The following CLEC16A variants were observed in gnomAD, a reference collection of about 807,000 sequenced individuals.
CLEC16A encodes the protein C-type lectin domain containing 16A.
Under a neutral mutation model 109.5 loss-of-function variants are expected in CLEC16A, and 51 were observed. That is an observed-to-expected ratio of 0.47 (90% CI 0.37 to 0.59). CLEC16A has a LOEUF of 0.59. CLEC16A is among the 20% of genes least tolerant of loss of function. The pLI, the probability that CLEC16A is intolerant of heterozygous loss-of-function variation, is 0.00. For synonymous variants in CLEC16A, 673 were observed against 564.2 expected (o/e 1.19, Z -2.73); for missense variants, 1,339 against 1,394.0 (o/e 0.96, Z 0.63).
chr16:11,107,350 G>A (rs1414832580), intron 19 of CLEC16A, among the ~76,000 whole-genome samples: 1 of 151,954 alleles, frequency 6.6e-6, no homozygotes, highest in African/African-American at 2.4e-5. Flanking sequence ...CTTCACAACT[G>A]CCCCCTTTTC....
intron 22 of CLEC16A, among the ~76,000 whole-genome samples, chr16:11,154,619 A>G (rs1396519597): frequency 4.3e-4 from 65 of 152,196 alleles, no homozygotes; most frequent in Non-Finnish European, 4.4e-5. Flanking sequence ...TTGTCTAAAG[A>G]CACTTACGAA....
chr16:11,095,093 CT>C (rs1003101076), intron 19 of CLEC16A, among the ~76,000 whole-genome samples: 45 of 133,370 alleles, frequency 3.4e-4, no homozygotes, highest in East Asian at 1.7e-3. Flanking sequence ...CTTTTTTTTT[CT>C]TTTTTTTTTT....
intron 13 of CLEC16A, among the ~76,000 whole-genome samples, chr16:11,035,828 T>C (rs2046985024): frequency 6.6e-6 from 1 of 152,318 alleles, no homozygotes; most frequent in African/African-American, 2.4e-5. Context: ...TTGTTTTGAC[T>C]GAGTATTTTG....
At chr16:11,070,741 C>G (rs906590891) in intron 19 of CLEC16A, 1 of 152,312 alleles carries the variant, frequency 6.6e-6, no homozygotes, top group Non-Finnish European at 1.5e-5. Context: ...TGCCTCCTTG[C>G]TCTTCTTCAA....
intron 13 of CLEC16A, among the ~76,000 whole-genome samples, chr16:11,030,887 C>T (rs1229261017): frequency 6.6e-6 from 1 of 152,218 alleles, no homozygotes; most frequent in Admixed American, 6.5e-5. Context: ...TCAAGTGATA[C>T]ACCCGCCTCA....
intron 19 of CLEC16A, among the ~76,000 whole-genome samples, chr16:11,109,335 G>A (rs2051425506): frequency 1.3e-5 from 2 of 152,034 alleles, no homozygotes; most frequent in South Asian, 2.1e-4. Flanking sequence ...TTTATTATTT[G>A]TAAAGACGAG....
chr16:11,007,224 A>G (rs918088869), intron 11 of CLEC16A, among the ~76,000 whole-genome samples: 1 of 152,202 alleles, frequency 6.6e-6, no homozygotes, highest in Non-Finnish European at 1.5e-5. Flanking sequence ...AATTCCAGCA[A>G]GGGCATGAAG....
At chr16:11,042,459 G>A (rs187964141) in intron 15 of CLEC16A, 96 bp downstream of exon 15, 27 of 942,718 alleles carry the variant, frequency 2.9e-5, no homozygotes, top group African/African-American at 9.8e-5. Flanking sequence ...GCCCTGGCCC[G>A]TGGTGTCATC....
chr16:11,135,854 G>T (rs542520488), intron 22 of CLEC16A, among the ~76,000 whole-genome samples: 7 of 152,268 alleles, frequency 4.6e-5, no homozygotes, highest in Non-Finnish European at 1.0e-4. Flanking sequence ...GTGCTCACCA[G>T]CACGGGCCTG....
In CLEC16A at chr16:11,027,624, G is replaced by C. The variant is rs976039518; in HGVS notation, c.1537+2703G>C. On this transcript the variant is annotated intron_variant, in intron 13 of 23. Coordinates refer to ENST00000409790, the MANE Select transcript of CLEC16A (RefSeq NM_015226.3). ...TGCATTCCCAGGGAAGCATTTCCAG[G>C]AGATCTCATGGTTCTTGCGCCCTTT... is the stretch of plus-strand genomic sequence containing the variant. The C allele has an allele frequency of 7.1e-6, 11 of 1,558,704 alleles. No homozygotes were observed. In the African/African-American group the frequency reaches 1.4e-4, roughly 19 times the overall value.
chr16:11,032,568 G>A (rs2046805608), intron 13 of CLEC16A, among the ~76,000 whole-genome samples: 1 of 152,238 alleles, frequency 6.6e-6, no homozygotes, highest in Admixed American at 6.5e-5. Context: ...GTGACAAATG[G>A]TAGAAGGAAA....
intron 22 of CLEC16A, among the ~76,000 whole-genome samples, chr16:11,147,529 T>C (rs760691645): frequency 6.6e-6 from 1 of 152,220 alleles, no homozygotes; most frequent in Non-Finnish European, 1.5e-5. Flanking sequence ...AGGAGTAAAG[T>C]GTTTGTAATC....
In CLEC16A at chr16:11,180,943, G is replaced by C. The variant is rs1422575951; in HGVS notation, c.*2253G>C. 2 of 152,382 alleles carry C rather than the reference G, an allele frequency of 1.3e-5. No homozygotes were observed. Among genetic ancestry groups the C allele is most frequent in the Admixed American group, 1.3e-4 (2 of 15,290 alleles). 9.4% of individuals were successfully genotyped at this position (152,382 alleles called of 1,614,324 possible). On this transcript the variant is annotated 3_prime_UTR_variant, in exon 24 of 24. Transcript: ENST00000409790. The stretch of plus-strand genomic sequence containing the variant: ...GATAAAAGACACTGCTCAGGGCAGG[G>C]CTTCTACCCTGCATCCCTGGCCAAG...
At chr16:10,975,109 G>A (rs967286674) in intron 7 of CLEC16A, among the ~76,000 whole-genome samples, 1 of 152,174 alleles carries the variant, frequency 6.6e-6, no homozygotes, top group African/African-American at 2.4e-5. Context: ...TTGGGAGGCT[G>A]AGGCGGGCAG....
At chr16:11,103,218 G>T (rs1045304456) in intron 19 of CLEC16A, among the ~76,000 whole-genome samples, 3 of 152,346 alleles carry the variant, frequency 2.0e-5, no homozygotes, top group Non-Finnish European at 2.9e-5. Context: ...TCCCCCCAGA[G>T]AGGCCCAGTG....
chr16:11,092,831 A>G (rs2050389070), intron 19 of CLEC16A, among the ~76,000 whole-genome samples: 3 of 152,174 alleles, frequency 2.0e-5, no homozygotes, highest in African/African-American at 7.2e-5. Flanking sequence ...TCTATAAAAC[A>G]CGGTGGTCGT....
intron 11 of CLEC16A, among the ~76,000 whole-genome samples, chr16:11,012,614 A>T (rs1340957550): frequency 2.7e-5 from 4 of 148,494 alleles, no homozygotes; most frequent in Admixed American, 6.6e-5. Flanking sequence ...AAAAAAAAAA[A>T]AAAAAAAGAA....
At chr16:11,043,601 G>A (rs541573117) in intron 15 of CLEC16A, among the ~76,000 whole-genome samples, 28 of 151,834 alleles carry the variant, frequency 1.8e-4, no homozygotes, top group Admixed American at 3.3e-4. Flanking sequence ...ATGGTGGCTC[G>A]TGCCTGTAAT....
At position 11,012,629 on chromosome 16, in the gene CLEC16A, T is replaced by G. The variant is rs113971028; in HGVS notation, c.1304-7564T>G. Among the ~76,000 whole-genome samples the G allele has an allele frequency of 8.0e-3, 1,181 of 148,066 alleles. 18 individuals carry two copies. Among genetic ancestry groups the G allele is most frequent in the African/African-American group, 0.029 (1,125 of 39,182 alleles). On this transcript the variant is annotated intron_variant, in intron 11 of 23. Coordinates refer to ENST00000409790, the MANE Select transcript of CLEC16A (RefSeq NM_015226.3). ...AAAAAAAAAAAAAAAAAAGAAAGAT[T>G]TATGAAAACATGTAAGATAATTACT...
Sources: allele counts gnomAD v4.1 joint callset (sites outside exome capture counted in the v4.1 genomes callset), GRCh38; gene constraint gnomAD v4.1.1; transcripts MANE v1.5; gene names NCBI Gene and HGNC (gene_info 2026-07-23, HGNC 2026-07-21).